RTTN: variants seen among roughly 807,000 people sequenced by gnomAD.
RTTN encodes rotatin.
Under a neutral mutation model 269.2 loss-of-function variants are expected in RTTN, and 182 were observed. The ratio of observed to expected loss-of-function variants is 0.68; its 90% CI spans 0.60 to 0.76. The LOEUF (loss-of-function observed/expected upper bound fraction) is 0.76. Ranked by LOEUF, RTTN falls within the 30% of genes least tolerant of loss-of-function variation. The pLI is 0.00. For synonymous variants in RTTN, 1,006 were observed against 963.5 expected (o/e 1.04, Z -0.82); for missense variants, 2,545 against 2,608.6 (o/e 0.98, Z 0.53).
At chr18:70,047,625 C>A (rs144108391) in intron 40 of RTTN, among the ~76,000 whole-genome samples, 11 of 152,268 alleles carry the variant, frequency 7.2e-5, no homozygotes, top group Non-Finnish European at 1.5e-5. Flanking sequence ...GTAGATATAT[C>A]TTTAAAATTA....
intron 34 of RTTN, among the ~76,000 whole-genome samples, chr18:70,066,529 G>A (rs538788820): frequency 4.6e-5 from 7 of 152,238 alleles, no homozygotes; most frequent in Admixed American, 2.6e-4. Context: ...CTGAAAAAGC[G>A]CAAAGTGATG....
rs1193587976 is a variant in RTTN at position 70,006,589 on chromosome 18, C to T, written c.6422-105G>A. 6 of 837,992 alleles carry T rather than the reference C, an allele frequency of 7.2e-6. No individual in the cohort carries two copies. The Admixed American group carries it at 8.3e-5, about 12-fold the overall frequency. 51.9% of individuals were successfully genotyped at this position (837,992 alleles called of 1,614,324 possible). On this transcript the variant is annotated intron_variant, in intron 46 of 48. Coordinates refer to ENST00000640769, the MANE Select transcript of RTTN (RefSeq NM_173630.4). ...CCCTCTTTTCCCATTAGAATGCATA[C>T]ATAAAGTTGGTATCACTAGACTATG...
Position 70,043,476 on chromosome 18 carries a change from GT to G in RTTN, c.5541+4494del, listed in dbSNP as rs1360052873. On this transcript the variant is annotated intron_variant, in intron 40 of 48. Transcript: ENST00000640769. The stretch of plus-strand genomic sequence containing the variant: ...AAAAGCTAAAGTCTCATTTTCCATA[GT>G]AGGAATTCAACAGATAATATTTAAA... Among the ~76,000 whole-genome samples, 4 of 152,132 alleles carry G rather than the reference GT, an allele frequency of 2.6e-5. No homozygotes were observed. In the East Asian group the frequency reaches 7.7e-4, roughly 29 times the overall value.
At chr18:70,097,835 G>A (rs1222474883) in intron 28 of RTTN, among the ~76,000 whole-genome samples, 2 of 152,126 alleles carry the variant, frequency 1.3e-5, no homozygotes, top group Admixed American at 1.3e-4. Flanking sequence ...TCTGGTATTT[G>A]AAACGTAGGT....
chr18:70,176,765 T>C lies in RTTN; in HGVS notation c.1386A>G (p.Pro462=), dbSNP rs776422218. 52 of 1,614,046 alleles carry C rather than the reference T, an allele frequency of 3.2e-5. No homozygotes were observed. The highest frequency in any genetic ancestry group is 4.0e-5 in the Non-Finnish European group (47 of 1,180,000). ...YHKSSISLEQ[P]EVMLVHHRMA... Reference sequence around the variant, plus strand: ...TTCTGTGGTGCACAAGCATCACCTCTGGCTGCTCCAAACTGATACTACTTT... The same window carrying C: ...TTCTGTGGTGCACAAGCATCACCTCCGGCTGCTCCAAACTGATACTACTTT... Residue 462 remains proline (P), a synonymous_variant, in exon 11 of 49, where the codon CCA becomes CCG. Coordinates refer to ENST00000640769, the MANE Select transcript of RTTN (RefSeq NM_173630.4).
At chr18:70,164,314 C>G (rs1240466358) in intron 14 of RTTN, among the ~76,000 whole-genome samples, 1 of 151,420 alleles carries the variant, frequency 6.6e-6, no homozygotes, top group Non-Finnish European at 1.5e-5. Context: ...CAGTCTCAAG[C>G]AATCCTCCTG....
chr18:70,188,294 T>C (rs1276906904), intron 9 of RTTN, 71 bp from the exon 10 acceptor site: 11 of 803,200 alleles, frequency 1.4e-5, no homozygotes, highest in Admixed American at 2.1e-5. Flanking sequence ...CTGAATATCA[T>C]ATTGCTCAAT....
At chr18:70,160,845 C>T (rs2060808631) in intron 14 of RTTN, among the ~76,000 whole-genome samples, 1 of 151,726 alleles carries the variant, frequency 6.6e-6, no homozygotes, top group Non-Finnish European at 1.5e-5. Context: ...AGAAAGATAT[C>T]AGAGATGACA....
intron 10 of RTTN, among the ~76,000 whole-genome samples, chr18:70,177,643 T>C (rs1455236572): frequency 6.6e-6 from 1 of 152,124 alleles, no homozygotes; most frequent in Non-Finnish European, 1.5e-5. Flanking sequence ...TACTTAACTT[T>C]CAATTTTCCA....
At chr18:70,015,363 C>T (rs951859675) in intron 46 of RTTN, among the ~76,000 whole-genome samples, 2 of 152,172 alleles carry the variant, frequency 1.3e-5, no homozygotes, top group South Asian at 4.1e-4. Flanking sequence ...ATGCCAAGCC[C>T]CAGATCTATT....
At chr18:70,087,009 T>C (rs1422769474) in intron 31 of RTTN, among the ~76,000 whole-genome samples, 1 of 152,050 alleles carries the variant, frequency 6.6e-6, no homozygotes, top group Non-Finnish European at 1.5e-5. Context: ...TCTGGTAGCA[T>C]TTAAGAAATA....
At chr18:70,024,883 G>C in intron 43 of RTTN, 35 bp from the exon 44 acceptor site, 2 of 1,596,070 alleles carry the variant, frequency 1.3e-6, no homozygotes, top group African/African-American at 1.4e-5. Flanking sequence ...GCATTAGTCT[G>C]AATATATGAA....
At chr18:70,166,814 AT>A in intron 13 of RTTN, 104 bp downstream of exon 13, 1 of 725,896 alleles carries the variant, frequency 1.4e-6, no homozygotes, top group Non-Finnish European at 2.2e-6. Context: ...AAACTAAAAA[AT>A]AATAACAAAG....
intron 33 of RTTN, 139 bp downstream of exon 33, chr18:70,075,213 C>G (rs2058395427): frequency 1.7e-6 from 1 of 582,562 alleles, no homozygotes. Flanking sequence ...AAATACATCT[C>G]TCTGGGTGGT....
chr18:70,009,338 A>T (rs906345093), intron 46 of RTTN, among the ~76,000 whole-genome samples: 1 of 152,060 alleles, frequency 6.6e-6, no homozygotes, highest in Non-Finnish European at 1.5e-5. Context: ...GGGTTTTACC[A>T]TATGGGCCAG....
chr18:70,020,649 G>A lies in RTTN; in HGVS notation c.6119C>T (p.Ala2040Val), dbSNP rs766284794. 1.9e-5 allele frequency: 31 copies of A among 1,613,858 alleles called. No homozygotes were observed. The South Asian group carries it at 3.3e-4, about 17-fold the overall frequency. The change falls in exon 45 of 49, where the codon GCC becomes GTC. Residue 2040 changes from alanine to valine, a missense_variant. Physicochemically the swap from Ala to Val is moderately conservative, Grantham distance 64. Coordinates refer to ENST00000640769, the MANE Select transcript of RTTN (RefSeq NM_173630.4). ...QMVFMLLSNL[A>V]LSHDCKGVIQ... ...TACTCCTTTACAGTCATGCGACAAG[G>A]CCAGGTTTGAAAGAAGCATAAAAAC...
At chr18:70,057,708 TAAACAAACCCAC>T in intron 37 of RTTN, 22 bp downstream of exon 37, 2 of 1,566,928 alleles carry the variant, frequency 1.3e-6, no homozygotes, top group South Asian at 2.2e-5. Flanking sequence ...ACACCTAACG[TAAACAAACCCAC>T]AAACAGACTT....
chr18:70,051,194 C>T (rs2057656002), intron 39 of RTTN, among the ~76,000 whole-genome samples: 1 of 152,294 alleles, frequency 6.6e-6, no homozygotes, highest in Middle Eastern at 3.4e-3. Context: ...TCCTAACTCG[C>T]TTTTATGTTA....
intron 29 of RTTN, 60 bp downstream of exon 29, chr18:70,092,616 G>C: frequency 2.6e-6 from 4 of 1,562,536 alleles, no homozygotes; most frequent in Non-Finnish European, 3.5e-6. Context: ...AAATGTGTTG[G>C]ACACAGCACA....
Sources: gnomAD v4.1 joint callset for allele counts (sites outside exome capture counted in the v4.1 genomes callset) on GRCh38, gnomAD v4.1.1 for gene constraint, MANE v1.5 for transcripts, NCBI Gene and HGNC (gene_info 2026-07-23, HGNC 2026-07-21) for gene names.